Variants in ATRX observed in about 807,000 individuals in gnomAD.
ATRX encodes ATRX chromatin remodeler, also known as chromatin remodeler ATRX.
A neutral mutation model predicts 172.6 loss-of-function variants in ATRX; 12 were observed. The ratio of observed to expected loss-of-function variants is 0.07; its 90% CI spans 0.04 to 0.11. The LOEUF is 0.11. Among genes scored for constraint, ATRX ranks in the 10% least tolerant of loss-of-function variants. The pLI is 1.00. For missense variants in ATRX, 1,368 were observed against 1,767.4 expected (o/e 0.77, Z 4.05); for synonymous variants, 674 against 594.7 (o/e 1.13, Z -1.94).
At chrX:77,671,359 G>A (rs1308853718) in intron 10 of ATRX, among the ~76,000 whole-genome samples, 1 of 104,460 alleles carries the variant, frequency 9.6e-6, no homozygotes, top group Non-Finnish European at 2.0e-5. Context: ...TATCCTTTTT[G>A]GTGAGGGTAC....
intron 28 of ATRX, among the ~76,000 whole-genome samples, chrX:77,573,919 T>C (rs2065509861): frequency 9.0e-6 from 1 of 111,540 alleles, no homozygotes; most frequent in African/African-American, 3.2e-5. Context: ...ACAACTCAAA[T>C]GTCCCTCAAG....
chrX:77,703,822 G>A (rs1334018849), intron 2 of ATRX, among the ~76,000 whole-genome samples: 5 of 111,536 alleles, frequency 4.5e-5, no homozygotes, highest in East Asian at 2.8e-4. Flanking sequence ...ACCCAAAGGG[G>A]GCAGCTCCTT....
intron 19 of ATRX, among the ~76,000 whole-genome samples, chrX:77,621,865 AC>A (rs1393570707): frequency 1.8e-4 from 20 of 109,478 alleles, no homozygotes; most frequent in African/African-American, 4.1e-4. Context: ...AACAACAACA[AC>A]AAAAAAAAAC....
intron 15 of ATRX, among the ~76,000 whole-genome samples, chrX:77,649,617 A>G (rs2148423028): frequency 9.0e-6 from 1 of 111,719 alleles, no homozygotes; most frequent in South Asian, 3.8e-4. Context: ...GGACGGACCC[A>G]GTGGGAGGTA....
rs781865271 is a variant in ATRX, at chrX:77,758,161, A to G, written c.20+27821T>C. Among the ~76,000 whole-genome samples the G allele has an allele frequency of 3.4e-3, 302 of 89,433 alleles. No individual in the cohort carries two copies. In the Middle Eastern group the frequency reaches 0.06, roughly 18 times the overall value. The allele number at this position is 89,433 out of a possible 115,157, so 77.7% of individuals were successfully genotyped here. A position where few individuals can be genotyped will look rare whatever the true frequency, so the allele number is the denominator to read the frequency against. ...CCCAGCACTTTGGGAGGCCGAGGCG[A>G]GTGGATCACTTGAGGTCAGGAGTTC... On this transcript the variant is annotated intron_variant, in intron 1 of 34. Transcript: ENST00000373344.
intron 6 of ATRX, 54 bp downstream of exon 6, chrX:77,693,770 A>C: frequency 2.0e-6 from 2 of 1,005,758 alleles, no homozygotes; most frequent in South Asian, 1.9e-5. Context: ...CCGATTTTCC[A>C]ATATGGTCAT....
chrX:77,619,234 A>G (rs2067483234), intron 20 of ATRX, among the ~76,000 whole-genome samples: 1 of 111,577 alleles, frequency 9.0e-6, no homozygotes, highest in African/African-American at 3.3e-5. Context: ...ATACCTAAGG[A>G]CAGTTTATTC....
chrX:77,636,797 GAGAAGGA>G (rs1282449737), intron 15 of ATRX, among the ~76,000 whole-genome samples: 2 of 107,094 alleles, frequency 1.9e-5, no homozygotes, highest in African/African-American at 6.8e-5. Flanking sequence ...GAAGAAGAAG[GAGAAGGA>G]AGAAGGAGGA....
chrX:77,533,434 A>G (rs1331046764), intron 30 of ATRX, among the ~76,000 whole-genome samples: 1 of 112,552 alleles, frequency 8.9e-6, no homozygotes, highest in Non-Finnish European at 1.9e-5. Flanking sequence ...CAGATGGTAC[A>G]TATACACACT....
At chrX:77,601,765 C>T (rs1569529042) in intron 22 of ATRX, among the ~76,000 whole-genome samples, 3 of 111,453 alleles carry the variant, frequency 2.7e-5, no homozygotes, top group African/African-American at 6.5e-5. Flanking sequence ...TTTGCCTCCA[C>T]GAGTGAGAGA....
intron 30 of ATRX, among the ~76,000 whole-genome samples, chrX:77,530,125 C>G (rs1557045775): frequency 8.9e-6 from 1 of 111,850 alleles, no homozygotes. Flanking sequence ...AATTAGAACT[C>G]AAGAATAAGA....
At chrX:77,515,424 GA>G (rs371969105) in intron 34 of ATRX, among the ~76,000 whole-genome samples, 274 of 104,970 alleles carry the variant, frequency 2.6e-3, no homozygotes, top group East Asian at 8.1e-3. Flanking sequence ...CAGGAGGGGT[GA>G]AAAAAAAAAA....
intron 30 of ATRX, among the ~76,000 whole-genome samples, chrX:77,548,388 C>CA (rs1299842504): frequency 9.1e-6 from 1 of 110,369 alleles, no homozygotes; most frequent in Non-Finnish European, 1.9e-5. Flanking sequence ...TTTTATTAAA[C>CA]AAAAAAATCC....
intron 30 of ATRX, among the ~76,000 whole-genome samples, chrX:77,547,204 C>T (rs2064276580): frequency 9.0e-6 from 1 of 111,639 alleles, no homozygotes. Context: ...TTCCAACTCT[C>T]CATAAGGAGA....
At chrX:77,636,229 A>G (rs1569533743) in intron 15 of ATRX, among the ~76,000 whole-genome samples, 173 bp from the exon 16 acceptor site, 2 of 112,043 alleles carry the variant, frequency 1.8e-5, no homozygotes, top group East Asian at 5.6e-4. Context: ...TGTAATCCCC[A>G]ATGTTGGAGG....
At chrX:77,589,698 T>C in intron 27 of ATRX, 136 bp downstream of exon 27, 3 of 479,139 alleles carry the variant, frequency 6.3e-6, no homozygotes, top group East Asian at 3.8e-5. Flanking sequence ...TAAGGACAAA[T>C]AGACATTGCA....
chrX:77,554,362 T>TGCC (rs1557057924), intron 30 of ATRX, among the ~76,000 whole-genome samples: 3 of 111,717 alleles, frequency 2.7e-5, no homozygotes, highest in African/African-American at 9.8e-5. Context: ...TATTATCAGT[T>TGCC]GAGTTCTACC....
At position 77,654,218 on chromosome X, in the gene ATRX, C is replaced by T. The variant is rs782208298; in HGVS notation, c.4215-18G>A. ...TTGCAGACCTGACGAAAATTTAAAA[C>T]ACAAAATAAAATATTTCATGATAAA... On this transcript the variant is annotated intron_variant, in intron 13 of 34. Coordinates refer to ENST00000373344, the MANE Select transcript of ATRX (RefSeq NM_000489.6). 6.1e-6 allele frequency: 7 copies of T among 1,142,054 alleles called. No individual in the cohort carries two copies. Among genetic ancestry groups the T allele is most frequent in the Non-Finnish European group, 8.4e-6 (7 of 835,264 alleles). 94.1% of individuals were successfully genotyped at this position (1,142,054 alleles called of 1,213,427 possible).
At chrX:77,613,967 G>GA (rs1474875033) in intron 22 of ATRX, among the ~76,000 whole-genome samples, 1 of 111,170 alleles carries the variant, frequency 9.0e-6, no homozygotes, top group Non-Finnish European at 1.9e-5. Context: ...GAATTACACT[G>GA]AAAAAAAGAA....
Sources: allele counts gnomAD v4.1 joint callset (sites outside exome capture counted in the v4.1 genomes callset), GRCh38; gene constraint gnomAD v4.1.1; transcripts MANE v1.5; gene names NCBI Gene and HGNC (gene_info 2026-07-23, HGNC 2026-07-21).